Variants in DMD observed in about 807,000 individuals in gnomAD.
DMD encodes the protein mutant dystrophin.
A neutral mutation model predicts 330.1 loss-of-function variants in DMD; 63 were observed. The observed-to-expected ratio is 0.19, with a 90% CI of 0.16 to 0.24. The LOEUF (loss-of-function observed/expected upper bound fraction) is 0.24. DMD is among the 10% of genes least tolerant of loss of function. The probability of loss-of-function intolerance (pLI) is 1.00; values close to 1 mark genes in which losing one functional copy is unlikely to be tolerated. For synonymous variants in DMD, 1,223 were observed against 959.8 expected, an observed-to-expected ratio of 1.27 and a Z score of -5.07; for missense variants, 3,344 against 2,684.1, an observed-to-expected ratio of 1.25 and a Z score of -5.43.
chrX:32,699,842 T>C (rs1221811433), intron 7 of DMD, among the ~76,000 whole-genome samples: 2 of 111,882 alleles, frequency 1.8e-5, no homozygotes, highest in Admixed American at 1.9e-4. Context: ...AAAAATACCA[T>C]ATAATGATTT....
chrX:32,775,424 G>A (rs1229509469), intron 7 of DMD, among the ~76,000 whole-genome samples: 1 of 112,861 alleles, frequency 8.9e-6, no homozygotes, highest in Non-Finnish European at 1.9e-5. Flanking sequence ...CCCTGCAGCA[G>A]ACTTCTACCT....
chrX:32,853,745 C>T (rs756016408), intron 2 of DMD, among the ~76,000 whole-genome samples: 2 of 93,893 alleles, frequency 2.1e-5, no homozygotes, highest in African/African-American at 7.9e-5. Context: ...ATGAAATAAA[C>T]TCTCCAATCA....
chrX:33,010,233 T>C (rs1569549285), intron 2 of DMD, among the ~76,000 whole-genome samples: 1 of 107,383 alleles, frequency 9.3e-6, no homozygotes, highest in Non-Finnish European at 1.9e-5. Flanking sequence ...TGTGTGTATA[T>C]ATGTACATAT....
At chrX:32,772,716 G>C (rs1420989517) in intron 7 of DMD, among the ~76,000 whole-genome samples, 1 of 111,180 alleles carries the variant, frequency 9.0e-6, no homozygotes, top group Non-Finnish European at 1.9e-5. Context: ...ATCAATCCCT[G>C]TATCCTAAAG....
chrX:32,819,322 G>A (rs912074015), intron 5 of DMD, among the ~76,000 whole-genome samples: 2 of 110,687 alleles, frequency 1.8e-5, no homozygotes, highest in African/African-American at 6.6e-5. Flanking sequence ...ATTCTAAAGT[G>A]AATTAGCGTT....
At chrX:31,425,961 G>A (rs998985201) in intron 60 of DMD, among the ~76,000 whole-genome samples, 1 of 111,440 alleles carries the variant, frequency 9.0e-6, no homozygotes, top group Non-Finnish European at 1.9e-5. Context: ...GACCACAGGA[G>A]TAGCAGCATA....
intron 55 of DMD, among the ~76,000 whole-genome samples, chrX:31,606,339 G>A (rs1314243493): frequency 8.9e-6 from 1 of 111,833 alleles, no homozygotes; most frequent in East Asian, 2.8e-4. Flanking sequence ...AGCAACATAA[G>A]TACTGAAATG....
In DMD at chrX:32,652,934, T is replaced by C. The variant is rs189416372; in HGVS notation, c.961-7782A>G. On this transcript the variant is annotated intron_variant, in intron 9 of 78. Transcript: ENST00000357033. ...CCAGTGATGATGAGCATTTTTTTCA[T>C]GTGTCTGTTGGCTGCATCAATGCCT... Among the ~76,000 whole-genome samples the C allele has an allele frequency of 3.9e-3, 434 of 112,416 alleles. 5 individuals are homozygous for C. Among genetic ancestry groups the C allele is most frequent in the Admixed American group, 0.03 (319 of 10,611 alleles).
intron 50 of DMD, among the ~76,000 whole-genome samples, chrX:31,796,917 C>CCAG (rs751743786): frequency 4.5e-5 from 5 of 111,257 alleles, no homozygotes; most frequent in Admixed American, 9.6e-5. Context: ...TCTCTACACA[C>CCAG]CAGCTCCCCT....
At position 31,953,116 on chromosome X, in the gene DMD, A is replaced by G. The variant is rs995076357; in HGVS notation, c.6614+15223T>C. The stretch of plus-strand genomic sequence containing the variant: ...TATATTCAACATGCAGGCACATTTT[A>G]AGTTTTCATGAAGGAGACACAAGGA... On this transcript the variant is annotated intron_variant, in intron 45 of 78. Transcript: ENST00000357033. Among the ~76,000 whole-genome samples, 4 of 112,610 alleles carry G rather than the reference A, an allele frequency of 3.6e-5. No homozygotes were observed. In the East Asian group the frequency reaches 1.1e-3, roughly 31 times the overall value.
intron 47 of DMD, among the ~76,000 whole-genome samples, chrX:31,903,252 G>T: frequency 9.0e-6 from 1 of 111,509 alleles, no homozygotes; most frequent in Non-Finnish European, 1.9e-5. Context: ...AATTTGGTGA[G>T]TGTTTTATAC....
At chrX:32,508,392 C>A (rs2044859795) in intron 18 of DMD, among the ~76,000 whole-genome samples, 1 of 111,455 alleles carries the variant, frequency 9.0e-6, no homozygotes, top group African/African-American at 3.3e-5. Flanking sequence ...CATTTCATTT[C>A]AGACACAGCT....
intron 7 of DMD, among the ~76,000 whole-genome samples, chrX:32,719,062 A>T (rs1014037111): frequency 1.8e-5 from 2 of 111,845 alleles, no homozygotes; most frequent in African/African-American, 6.5e-5. Flanking sequence ...TAGAGAAGGT[A>T]GGCAAATAGG....
intron 45 of DMD, among the ~76,000 whole-genome samples, chrX:31,967,053 A>G (rs1273862859): frequency 9.1e-6 from 1 of 110,383 alleles, no homozygotes; most frequent in Non-Finnish European, 1.9e-5. Flanking sequence ...CAGAAATGAC[A>G]TTATACAGGT....
At chrX:32,014,270 G>A (rs1178230424) in intron 44 of DMD, among the ~76,000 whole-genome samples, 3 of 111,159 alleles carry the variant, frequency 2.7e-5, no homozygotes, top group Non-Finnish European at 5.7e-5. Flanking sequence ...TTAAAATGAA[G>A]TTTCAGTTGT....
intron 63 of DMD, among the ~76,000 whole-genome samples, chrX:31,245,659 T>A (rs2048759360): frequency 8.9e-6 from 1 of 111,955 alleles, no homozygotes; most frequent in African/African-American, 3.3e-5. Context: ...ATTTCAAATT[T>A]GTCATTATTT....
intron 44 of DMD, among the ~76,000 whole-genome samples, chrX:32,085,798 T>C (rs776494783): frequency 2.7e-5 from 3 of 110,075 alleles, no homozygotes; most frequent in Non-Finnish European, 3.8e-5. Flanking sequence ...TTACGATATC[T>C]GGCAATATCT....
chrX:32,311,989 T>C (rs748397736), intron 41 of DMD, among the ~76,000 whole-genome samples: 1 of 111,830 alleles, frequency 8.9e-6, no homozygotes, highest in Non-Finnish European at 1.9e-5. Context: ...GCAGTAAAGA[T>C]AGCTTCACAT....
intron 2 of DMD, among the ~76,000 whole-genome samples, chrX:32,986,837 T>C (rs1400871055): frequency 2.7e-5 from 3 of 112,678 alleles, no homozygotes; most frequent in African/African-American, 6.4e-5. Flanking sequence ...TTTGCATTTC[T>C]TGTAAAGTGT....
Sources: allele counts gnomAD v4.1 joint callset (sites outside exome capture counted in the v4.1 genomes callset), GRCh38; gene constraint gnomAD v4.1.1; transcripts MANE v1.5; gene names NCBI Gene and HGNC (gene_info 2026-07-23, HGNC 2026-07-21).